Variants in CTNNA2 observed in about 807,000 individuals in gnomAD.
The protein encoded by CTNNA2 is catenin alpha-2.
Under a neutral mutation model 101.0 loss-of-function variants are expected in CTNNA2, and 42 were observed. The observed-to-expected ratio is 0.42, with a 90% CI of 0.32 to 0.54. The LOEUF (loss-of-function observed/expected upper bound fraction) is 0.54, where lower values mean the gene tolerates loss of function less well. Among genes scored for constraint, CTNNA2 ranks in the 20% least tolerant of loss-of-function variants. The pLI, the probability that CTNNA2 is intolerant of heterozygous loss-of-function variation, is 0.14. For synonymous variants in CTNNA2, 450 were observed against 456.4 expected (o/e 0.99, Z 0.18); for missense variants, 871 against 1,223.1 (o/e 0.71, Z 4.29).
intron 4 of CTNNA2, among the ~76,000 whole-genome samples, chr2:79,462,555 T>C (rs752912753): frequency 1.3e-5 from 2 of 152,220 alleles, no homozygotes; most frequent in African/African-American, 2.4e-5. Flanking sequence ...AGCCAGAGTA[T>C]ACGACACAAA....
At chr2:80,209,185 TATTCTTTTTTTTTTTA>T (rs1054911090) in intron 7 of CTNNA2, among the ~76,000 whole-genome samples, 10 of 150,728 alleles carry the variant, frequency 6.6e-5, no homozygotes, top group Non-Finnish European at 1.0e-4. Flanking sequence ...AGAGTATGTT[TATTCTTTTTTTTTTTA>T]ATTCTTTTTT....
intron 7 of CTNNA2, among the ~76,000 whole-genome samples, chr2:80,247,452 C>T (rs953662200): frequency 4.6e-5 from 7 of 152,150 alleles, no homozygotes; most frequent in African/African-American, 1.4e-4. Flanking sequence ...CCTGTGTGAA[C>T]CTCCCCAACC....
intron 15 of CTNNA2, among the ~76,000 whole-genome samples, chr2:80,598,530 A>G (rs1296998589): frequency 1.3e-5 from 2 of 152,196 alleles, no homozygotes; most frequent in African/African-American, 4.8e-5. Context: ...TTGCTCTCAG[A>G]CATTTATCCA....
chr2:80,543,859 C>T (rs61559535), intron 9 of CTNNA2, among the ~76,000 whole-genome samples: 2,998 of 152,260 alleles, frequency 0.02, 104 homozygotes, highest in African/African-American at 0.068. Context: ...GGCCACAAGA[C>T]TCCAGGGATT....
At chr2:80,610,052 G>C (rs1008814970) in intron 17 of CTNNA2, among the ~76,000 whole-genome samples, 1 of 151,694 alleles carries the variant, frequency 6.6e-6, no homozygotes, top group African/African-American at 2.4e-5. Flanking sequence ...ATAAATCCTT[G>C]CATGGGAGAA....
intron 4 of CTNNA2, among the ~76,000 whole-genome samples, chr2:79,424,073 G>T (rs1678567751): frequency 6.6e-6 from 1 of 152,074 alleles, no homozygotes. Flanking sequence ...GGGAAAGATT[G>T]TACTCCAGGA....
intron 4 of CTNNA2, among the ~76,000 whole-genome samples, chr2:79,446,821 C>A (rs1678838225): frequency 6.6e-6 from 1 of 150,428 alleles, no homozygotes; most frequent in Admixed American, 6.6e-5. Flanking sequence ...ATGTTTATGC[C>A]AAAAAAAAAT....
chr2:79,430,616 A>G (rs754302326), intron 4 of CTNNA2, among the ~76,000 whole-genome samples: 1 of 152,144 alleles, frequency 6.6e-6, no homozygotes, highest in African/African-American at 2.4e-5. Context: ...CTTTTTGCAT[A>G]TATTATTTTA....
intron 2 of CTNNA2, among the ~76,000 whole-genome samples, chr2:79,258,845 CAAAAAAAA>C (rs869066159): frequency 0.011 from 967 of 91,372 alleles, 11 homozygotes; most frequent in African/African-American, 0.022. Flanking sequence ...AATCCTCTAC[CAAAAAAAA>C]AAAAAAAAAA....
intron 2 of CTNNA2, among the ~76,000 whole-genome samples, chr2:79,281,864 A>G (rs1280261352): frequency 2.0e-5 from 3 of 152,228 alleles, no homozygotes; most frequent in Non-Finnish European, 4.4e-5. Flanking sequence ...TTTTTAGAGT[A>G]GAGATGCTGA....
chr2:80,630,567 G>C (rs1238609550), intron 18 of CTNNA2, among the ~76,000 whole-genome samples: 1 of 152,138 alleles, frequency 6.6e-6, no homozygotes. Context: ...AACCCAAGAG[G>C]TGGAGGTTGC....
intron 2 of CTNNA2, among the ~76,000 whole-genome samples, chr2:79,685,865 A>C (rs1378817661): frequency 1.3e-5 from 2 of 152,168 alleles, no homozygotes; most frequent in South Asian, 2.1e-4. Flanking sequence ...CAAAGAGGAT[A>C]CTGAGAAGCA....
chr2:80,600,699 T>A (rs556455270), intron 15 of CTNNA2, among the ~76,000 whole-genome samples: 2 of 152,084 alleles, frequency 1.3e-5, no homozygotes, highest in Non-Finnish European at 2.9e-5. Flanking sequence ...ACTGAACATA[T>A]CTACAGAAAA....
At chr2:80,493,899 CT>C (rs1277008686) in intron 9 of CTNNA2, among the ~76,000 whole-genome samples, 3 of 152,146 alleles carry the variant, frequency 2.0e-5, no homozygotes, top group Non-Finnish European at 2.9e-5. Context: ...GTTATATGAT[CT>C]GAGAGAGTGT....
intron 8 of CTNNA2, among the ~76,000 whole-genome samples, chr2:80,411,536 T>C (rs1679573989): frequency 1.3e-5 from 2 of 152,196 alleles, no homozygotes; most frequent in Non-Finnish European, 2.9e-5. Flanking sequence ...GAATCCCTTG[T>C]ATATATACTT....
chr2:79,426,930 TAAG>T (rs1678597567), intron 4 of CTNNA2, among the ~76,000 whole-genome samples: 1 of 152,216 alleles, frequency 6.6e-6, no homozygotes, highest in Admixed American at 6.6e-5. Context: ...GATTAAATAT[TAAG>T]AAGATTCATA....
At chr2:79,617,487 T>C (rs1428961319) in intron 1 of CTNNA2, among the ~76,000 whole-genome samples, 1 of 152,210 alleles carries the variant, frequency 6.6e-6, no homozygotes, top group Admixed American at 6.5e-5. Flanking sequence ...TTCTCTCTGG[T>C]TTGTTATTTA....
intron 7 of CTNNA2, among the ~76,000 whole-genome samples, chr2:80,223,778 AT>A (rs1251885640): frequency 3.3e-5 from 5 of 152,278 alleles, no homozygotes; most frequent in Middle Eastern, 6.8e-3. Flanking sequence ...ATTTGATCCC[AT>A]TTAAGGCTTT....
At chr2:79,683,161 C>G (rs1395687611) in intron 2 of CTNNA2, among the ~76,000 whole-genome samples, 2 of 152,124 alleles carry the variant, frequency 1.3e-5, no homozygotes, top group Non-Finnish European at 2.9e-5. Flanking sequence ...ACCTCTCTGC[C>G]TGCTTAATAC....
Sources: gnomAD v4.1 joint callset for allele counts (sites outside exome capture counted in the v4.1 genomes callset) on GRCh38, gnomAD v4.1.1 for gene constraint, MANE v1.5 for transcripts, NCBI Gene and HGNC (gene_info 2026-07-23, HGNC 2026-07-21) for gene names.